RNF24: variants seen among roughly 807,000 people sequenced by gnomAD.
RNF24 encodes the protein ring finger protein 24.
In RNF24, 14 loss-of-function variants were observed where a neutral mutation model predicts 20.0. The observed-to-expected ratio is 0.70, with a 90% CI of 0.46 to 1.10. The LOEUF is 1.10. RNF24 is among the 50% of genes least tolerant of loss of function. RNF24 has a pLI of 0.00. For synonymous variants in RNF24, 45 were observed against 61.1 expected (o/e 0.74, Z 1.23); for missense variants, 124 against 177.6 (o/e 0.70, Z 1.71).
At chr20:3,977,772 G>A (rs1978998193) in intron 1 of RNF24, among the ~76,000 whole-genome samples, 1 of 151,608 alleles carries the variant, frequency 6.6e-6, no homozygotes, top group Admixed American at 6.6e-5. Context: ...GGCTGAGGCA[G>A]GAGAATGGCA....
rs970505444 is a variant in RNF24 at position 3,931,225 on chromosome 20, A to G, written c.*2838T>C. 1.3e-5 allele frequency: 2 copies of G among 152,316 alleles called. No individual in the cohort carries two copies. The highest frequency in any genetic ancestry group is 4.1e-4 in the South Asian group (2 of 4,826). 9.4% of individuals were successfully genotyped at this position (152,316 alleles called of 1,614,324 possible). ...ATTCTATCTTTGAGCTGCTTAAGAA[A>G]CACACAAAGGATACCAGCCAGTGGT... On this transcript the variant is annotated 3_prime_UTR_variant, in exon 6 of 6. Transcript: ENST00000358395.
At chr20:3,961,250 A>T (rs2146984899) in intron 2 of RNF24, among the ~76,000 whole-genome samples, 1 of 152,170 alleles carries the variant, frequency 6.6e-6, no homozygotes. Flanking sequence ...AAAAATAAAA[A>T]AATTAGCTGG....
rs530005532 is a variant in RNF24 at position 3,934,831 on chromosome 20, G to A, written c.308+163C>T. ...CCACTCTGCTGTCTCCTAATGTCACGCACACACACACACATCCCACCTGTA... is the reference window on the plus strand; with the variant it reads ...CCACTCTGCTGTCTCCTAATGTCACACACACACACACACATCCCACCTGTA... On this transcript the variant is annotated intron_variant, in intron 5 of 5. Transcript: ENST00000358395. The surrounding 1 kb of genome is among the most constrained non-coding windows in gnomAD (Gnocchi z 4.0). Among the ~76,000 whole-genome samples, 101 of 151,328 alleles carry A rather than the reference G, an allele frequency of 6.7e-4. No homozygotes were observed. The highest frequency in any genetic ancestry group is 2.3e-3 in the African/African-American group (94 of 41,314).
chr20:3,996,151 G>A (rs113151569), intron 1 of RNF24, among the ~76,000 whole-genome samples: 112 of 152,230 alleles, frequency 7.4e-4, no homozygotes, highest in African/African-American at 2.6e-3. Flanking sequence ...CAAGAGTTGG[G>A]TCTATTCTCT....
chr20:3,985,085 G>A (rs1979768882), intron 1 of RNF24, among the ~76,000 whole-genome samples: 3 of 152,106 alleles, frequency 2.0e-5, no homozygotes, highest in African/African-American at 7.2e-5. Context: ...TATTGGAATT[G>A]CCATAATCAA....
intron 1 of RNF24, among the ~76,000 whole-genome samples, chr20:4,014,739 G>GCACA (rs146278311): frequency 0.2 from 28,834 of 143,580 alleles, 3,152 homozygotes; most frequent in Non-Finnish European, 0.25. Context: ...ACTTGAATGC[G>GCACA]CACACACACA....
chr20:4,007,453 A>T (rs187617672), intron 1 of RNF24, among the ~76,000 whole-genome samples: 3 of 152,296 alleles, frequency 2.0e-5, no homozygotes, highest in African/African-American at 7.2e-5. Context: ...AAGAAAAAAA[A>T]ATCTGTTGAT....
intron 2 of RNF24, among the ~76,000 whole-genome samples, chr20:3,956,443 A>T (rs958487806): frequency 6.6e-6 from 1 of 151,594 alleles, no homozygotes; most frequent in Non-Finnish European, 1.5e-5. Context: ...TAGTGATATT[A>T]GTAATTTATA....
chr20:3,983,778 T>C (rs1979634053), intron 1 of RNF24, among the ~76,000 whole-genome samples: 1 of 151,342 alleles, frequency 6.6e-6, no homozygotes, highest in Non-Finnish European at 1.5e-5. Context: ...CTATCTCTAT[T>C]AAAAATACAA....
chr20:4,011,612 G>T (rs1982467213), intron 1 of RNF24, among the ~76,000 whole-genome samples: 1 of 152,212 alleles, frequency 6.6e-6, no homozygotes, highest in Non-Finnish European at 1.5e-5. Context: ...TTTTGTCATA[G>T]AGTTTGAATG....
intron 4 of RNF24, among the ~76,000 whole-genome samples, chr20:3,937,941 A>G (rs978904916): frequency 6.6e-6 from 1 of 152,184 alleles, no homozygotes; most frequent in East Asian, 1.9e-4. Flanking sequence ...TATCTGGCTG[A>G]GTCCTTGTTT....
At chr20:3,997,049 T>C (rs1980928955) in intron 1 of RNF24, among the ~76,000 whole-genome samples, 3 of 150,484 alleles carry the variant, frequency 2.0e-5, no homozygotes, top group Admixed American at 2.0e-4. Flanking sequence ...TGAAACCCCA[T>C]TCTCTACTAA....
chr20:3,967,061 G>A (rs560507698), intron 1 of RNF24, among the ~76,000 whole-genome samples: 36 of 152,180 alleles, frequency 2.4e-4, no homozygotes, highest in Non-Finnish European at 4.4e-4. Flanking sequence ...TGATATGTTG[G>A]CCCAACAATT....
intron 1 of RNF24, among the ~76,000 whole-genome samples, chr20:4,006,309 C>T (rs755525355): frequency 4.6e-5 from 7 of 151,238 alleles, no homozygotes; most frequent in African/African-American, 9.7e-5. Flanking sequence ...GCAGAGGTTG[C>T]GGTGAGCAGA....
intron 1 of RNF24, among the ~76,000 whole-genome samples, chr20:4,000,353 G>A (rs1981289393): frequency 6.6e-6 from 1 of 152,000 alleles, no homozygotes. Flanking sequence ...GTGAAACCCT[G>A]TCTCTACTAA....
chr20:3,991,038 G>C (rs1308183556), intron 1 of RNF24, among the ~76,000 whole-genome samples: 2 of 151,956 alleles, frequency 1.3e-5, no homozygotes, highest in Non-Finnish European at 2.9e-5. Flanking sequence ...GTCTAAAAAG[G>C]TCTCTAGAAA....
intron 4 of RNF24, among the ~76,000 whole-genome samples, chr20:3,943,663 C>A (rs1220505891): frequency 6.6e-6 from 1 of 152,046 alleles, no homozygotes; most frequent in Non-Finnish European, 1.5e-5. Context: ...ACCAGCGAAA[C>A]AGGAATTGGT....
chr20:3,961,516 T>C (rs888040347), intron 2 of RNF24, among the ~76,000 whole-genome samples: 1 of 152,184 alleles, frequency 6.6e-6, no homozygotes, highest in African/African-American at 2.4e-5. Flanking sequence ...GGGTGTTTCA[T>C]AACTTACTTT....
chr20:3,997,225 A>G (rs6052225), intron 1 of RNF24, among the ~76,000 whole-genome samples: 117,490 of 133,646 alleles, frequency 0.88, 51,927 homozygotes, highest in Non-Finnish European at 0.93. Context: ...GCAAGACTCC[A>G]TCTCAAAAAA....
Sources: gnomAD v4.1 joint callset for allele counts (sites outside exome capture counted in the v4.1 genomes callset) on GRCh38, gnomAD v4.1.1 for gene constraint, Gnocchi (gnomAD v3.1) non-coding constraint, MANE v1.5 for transcripts, NCBI Gene and HGNC (gene_info 2026-07-23, HGNC 2026-07-21) for gene names.